The following TKT variants were observed in gnomAD, a reference collection of about 807,000 sequenced individuals.
TKT encodes epididymis luminal protein 107.
Under a neutral mutation model 63.9 loss-of-function variants are expected in TKT, and 47 were observed. That is an observed-to-expected ratio of 0.74 (90% CI 0.58 to 0.94). The LOEUF (loss-of-function observed/expected upper bound fraction) is 0.94. Among genes scored for constraint, TKT ranks in the 40% least tolerant of loss-of-function variants. The pLI, the probability that TKT is intolerant of heterozygous loss-of-function variation, is 0.00. For missense variants in TKT, 721 were observed against 846.2 expected (o/e 0.85, Z 1.84); for synonymous variants, 338 against 334.1 (o/e 1.01, Z -0.13).
intron 12 of TKT, 73 bp downstream of exon 12, chr3:53,227,975 AGAAAGAAC>A (rs1704570528): frequency 4.1e-6 from 5 of 1,227,550 alleles, no homozygotes; most frequent in Non-Finnish European, 4.7e-6. Flanking sequence ...AAGAAAGAAC[AGAAAGAAC>A]GAAAGAAAGA....
At chr3:53,237,031 A>G (rs12633001) in intron 4 of TKT, among the ~76,000 whole-genome samples, 26,622 of 152,188 alleles carry the variant, frequency 0.17, 2,424 homozygotes, top group South Asian at 0.29. Context: ...TCCAACAACA[A>G]AGGACTGGCT....
chr3:53,255,782 C>G, intron 1 of TKT, 54 bp downstream of exon 1: 5 of 1,235,850 alleles, frequency 4.0e-6, no homozygotes, highest in Non-Finnish European at 5.2e-6. Context: ...CTGGCCGCCG[C>G]AGACGCCCCC....
In TKT at chr3:53,225,280, G is replaced by C. The variant is rs1553675171; in HGVS notation, c.*476C>G. ...GCAAGTGAACCTCCCTATCCCAGGA[G>C]ACCTGACTGCAAGGCTGTGGGGACT... On this transcript the variant is annotated 3_prime_UTR_variant, in exon 14 of 14. Transcript: ENST00000462138. The C allele has an allele frequency of 6.6e-6, 1 of 152,006 alleles. No individual in the cohort carries two copies. Among genetic ancestry groups the C allele is most frequent in the African/African-American group, 2.4e-5 (1 of 41,224 alleles). The allele number at this position is 152,006 out of a possible 1,614,324, so 9.4% of individuals were successfully genotyped here.
At chr3:53,232,537 T>A (rs1704813846) in intron 6 of TKT, 1 of 398,614 alleles carries the variant, frequency 2.5e-6, no homozygotes, top group African/African-American at 2.1e-5. Context: ...TGACCACTTG[T>A]AGTCTCATTT....
chr3:53,244,005 ATGGTG>A (rs150910624), intron 1 of TKT, among the ~76,000 whole-genome samples: 5,364 of 152,222 alleles, frequency 0.035, 297 homozygotes, highest in African/African-American at 0.12. Context: ...CCAGGGAGAA[ATGGTG>A]TGGCACAGGC....
chr3:53,231,737 T>C, intron 6 of TKT, 187 bp from the exon 7 acceptor site: 1 of 604,006 alleles, frequency 1.7e-6, no homozygotes, highest in Non-Finnish European at 2.9e-6. Flanking sequence ...TAGGATGGAC[T>C]CCTACGTGCC....
chr3:53,251,184 T>A (rs59145995), intron 1 of TKT, among the ~76,000 whole-genome samples: 27,897 of 152,162 alleles, frequency 0.18, 2,850 homozygotes, highest in Middle Eastern at 0.28. Flanking sequence ...AAGCTGTGGG[T>A]CAGAAACCCT....
intron 1 of TKT, among the ~76,000 whole-genome samples, chr3:53,253,626 C>T (rs1287769898): frequency 2.1e-4 from 32 of 152,154 alleles, no homozygotes; most frequent in Non-Finnish European, 1.5e-5. Context: ...TTAGCCGGTG[C>T]GGTGGCGGAT....
intron 9 of TKT, 43 bp from the exon 10 acceptor site, chr3:53,229,180 C>T (rs1553676329): frequency 1.2e-6 from 2 of 1,613,604 alleles, no homozygotes; most frequent in East Asian, 4.5e-5. Flanking sequence ...AGACCCCTAC[C>T]CCCCCATCCA....
intron 1 of TKT, chr3:53,243,502 A>T (rs1705375783): frequency 2.2e-6 from 1 of 451,476 alleles, no homozygotes; most frequent in Non-Finnish European, 4.5e-6. Flanking sequence ...AGTGCAGACA[A>T]GTTAGTAGTA....
intron 1 of TKT, among the ~76,000 whole-genome samples, chr3:53,255,212 C>T (rs904871290): frequency 3.9e-5 from 6 of 152,230 alleles, no homozygotes. Flanking sequence ...GGACCCAACC[C>T]AGGGGTGGCA....
At chr3:53,231,769 T>C (rs782489274) in intron 6 of TKT, 12 of 558,326 alleles carry the variant, frequency 2.1e-5, no homozygotes, top group Non-Finnish European at 3.2e-5. Context: ...GTCTACTGCC[T>C]GGTCCTTTGG....
intron 7 of TKT, 50 bp from the exon 8 acceptor site, chr3:53,230,671 A>G (rs1553676825): frequency 1.2e-6 from 2 of 1,604,172 alleles, no homozygotes; most frequent in African/African-American, 1.3e-5. Flanking sequence ...GGGTGAGTGC[A>G]CACCTGCAGC....
chr3:53,249,353 G>A (rs1705652374), intron 1 of TKT, among the ~76,000 whole-genome samples: 1 of 152,046 alleles, frequency 6.6e-6, no homozygotes, highest in Admixed American at 6.5e-5. Flanking sequence ...CAAGGCTGGC[G>A]GGAGGATCAC....
chr3:53,251,492 G>A (rs547199263), intron 1 of TKT, among the ~76,000 whole-genome samples: 2 of 152,302 alleles, frequency 1.3e-5, no homozygotes, highest in South Asian at 4.1e-4. Flanking sequence ...AGAGCCTTCT[G>A]TGAGGTCTGT....
chr3:53,236,866 G>A (rs1030306857), intron 4 of TKT, among the ~76,000 whole-genome samples: 4 of 152,260 alleles, frequency 2.6e-5, no homozygotes, highest in Admixed American at 6.5e-5. Context: ...GGGCCTACAG[G>A]AGCCTGGGCT....
intron 5 of TKT, 196 bp from the exon 6 acceptor site, chr3:53,233,470 A>G (rs1704868067): frequency 2.0e-6 from 1 of 507,256 alleles, no homozygotes; most frequent in Non-Finnish European, 3.5e-6. Flanking sequence ...TCTTTTTCAC[A>G]TTATTTTACT....
chr3:53,231,474 G>A lies in TKT; in HGVS notation c.825C>T (p.Tyr275=), dbSNP rs782793141. The A allele has an allele frequency of 3.7e-6, 6 of 1,614,144 alleles. No individual in the cohort carries two copies. Among genetic ancestry groups the A allele is most frequent in the Admixed American group, 3.3e-5 (2 of 60,012 alleles). ...NMAEQIIQEI[Y]SQIQSKKKIL... Reference sequence around the variant, plus strand: ...TCTTCTTTTTGCTCTGGATCTGGCTGTAGATCTCCTGGATGATCTGCTCAG... The same window carrying A: ...TCTTCTTTTTGCTCTGGATCTGGCTATAGATCTCCTGGATGATCTGCTCAG... The change falls in exon 7 of 14, where the codon TAC becomes TAT. Residue 275 remains tyrosine (Y), a synonymous_variant. Transcript: ENST00000462138.
chr3:53,255,563 G>A (rs1553682142), intron 1 of TKT, among the ~76,000 whole-genome samples: 1 of 152,192 alleles, frequency 6.6e-6, no homozygotes, highest in Admixed American at 6.5e-5. Context: ...CTGCGCGGCC[G>A]GCGATCCGCG....
Sources: allele counts gnomAD v4.1 joint callset (sites outside exome capture counted in the v4.1 genomes callset), GRCh38; gene constraint gnomAD v4.1.1; transcripts MANE v1.5; gene names NCBI Gene and HGNC (gene_info 2026-07-23, HGNC 2026-07-21).